The following ANKRD28 variants were observed in gnomAD, a reference collection of about 807,000 sequenced individuals.
The protein encoded by ANKRD28 is serine/threonine-protein phosphatase 6 regulatory ankyrin repeat subunit A.
In ANKRD28, 44 loss-of-function variants were observed where a neutral mutation model predicts 126.5. That is an observed-to-expected ratio of 0.35 (90% confidence interval 0.27 to 0.45). The LOEUF (loss-of-function observed/expected upper bound fraction) is 0.45, where lower values mean the gene tolerates loss of function less well. ANKRD28 is among the 20% of genes least tolerant of loss of function. The pLI is 1.00. For missense variants in ANKRD28, 1,110 were observed against 1,316.6 expected (o/e 0.84, Z 2.43); for synonymous variants, 442 against 468.5 (o/e 0.94, Z 0.73).
rs1172882269 is a variant in ANKRD28 at position 15,690,103 on chromosome 3, C to T, written c.1879G>A (p.Glu627Lys). The T allele has an allele frequency of 2.5e-6, 4 of 1,612,090 alleles. No individual in the cohort carries two copies. The highest frequency in any genetic ancestry group is 3.4e-6 in the Non-Finnish European group (4 of 1,179,024). Residue 627 changes from glutamate (E) to lysine (K), a missense_variant, in exon 18 of 28, where the codon GAA (glutamate) becomes AAA (lysine). Transcript: ENST00000683139. Reference sequence around the variant, plus strand: ...TGATTAATGAGTACATCCACACATTCAACATGGCCCTTAAAAGCTGCAAGA... The same window carrying T: ...TGATTAATGAGTACATCCACACATTTAACATGGCCCTTAAAAGCTGCAAGA... ...LDLAAFKGHVECVDVLINQGA... is the reference protein window; with the variant it reads ...LDLAAFKGHVKCVDVLINQGA...
chr3:15,747,953 T>C (rs1200846376), intron 4 of ANKRD28, among the ~76,000 whole-genome samples: 1 of 152,210 alleles, frequency 6.6e-6, no homozygotes, highest in African/African-American at 2.4e-5. Flanking sequence ...TGTCCCTCTT[T>C]GTTTTTTCCT....
intron 8 of ANKRD28, 96 bp from the exon 9 acceptor site, chr3:15,714,752 A>G (rs1348407871): frequency 3.7e-6 from 3 of 804,320 alleles, no homozygotes; most frequent in Non-Finnish European, 5.4e-6. Flanking sequence ...TTATTTTTAT[A>G]ACTATTTTAC....
chr3:15,714,537 A>AAG, intron 9 of ANKRD28, 41 bp downstream of exon 9: 3 of 1,451,912 alleles, frequency 2.1e-6, no homozygotes, highest in Non-Finnish European at 2.8e-6. Context: ...TTTAAGAAAA[A>AAG]AAAAAAAAAA....
intron 3 of ANKRD28, among the ~76,000 whole-genome samples, chr3:15,765,478 C>T (rs1277422165): frequency 6.6e-6 from 1 of 152,052 alleles, no homozygotes; most frequent in Non-Finnish European, 1.5e-5. Flanking sequence ...ACCGTTACCT[C>T]CACCTAGGAG....
chr3:15,696,581 T>C (rs1449214696), intron 14 of ANKRD28, among the ~76,000 whole-genome samples: 2 of 152,092 alleles, frequency 1.3e-5, no homozygotes, highest in Admixed American at 1.3e-4. Flanking sequence ...GATTAAACTT[T>C]TCGTGGTGGT....
chr3:15,855,485 C>A (rs1325094118), intron 1 of ANKRD28, among the ~76,000 whole-genome samples: 1 of 152,170 alleles, frequency 6.6e-6, no homozygotes, highest in African/African-American at 2.4e-5. Flanking sequence ...AAACAAAGTT[C>A]ATAAAACAAA....
At chr3:15,798,898 A>G (rs1254973803), upstream of ANKRD28, among the ~76,000 whole-genome samples, 1 of 152,144 alleles carries the variant, frequency 6.6e-6, no homozygotes, top group Non-Finnish European at 1.5e-5. Context: ...TTAATAAACA[A>G]TAATAAACAT....
chr3:15,762,214 C>CAAAAAA (rs778300634), intron 3 of ANKRD28, among the ~76,000 whole-genome samples: 4 of 52,556 alleles, frequency 7.6e-5, no homozygotes, highest in African/African-American at 1.9e-4. Context: ...AAAAAAAAAA[C>CAAAAAA]AAAACAAAAA....
chr3:15,767,169 T>C (rs568648444), intron 2 of ANKRD28, among the ~76,000 whole-genome samples: 12 of 152,298 alleles, frequency 7.9e-5, no homozygotes, highest in African/African-American at 2.9e-4. Flanking sequence ...TAATGCATGC[T>C]TCATGGACCT....
At chr3:15,757,095 AT>A (rs1214844747) in intron 3 of ANKRD28, among the ~76,000 whole-genome samples, 1 of 152,190 alleles carries the variant, frequency 6.6e-6, no homozygotes, top group Non-Finnish European at 1.5e-5. Flanking sequence ...ATCTGCGTCC[AT>A]TCAATACACA....
chr3:15,736,231 G>A (rs2125126613), intron 5 of ANKRD28, among the ~76,000 whole-genome samples: 1 of 152,190 alleles, frequency 6.6e-6, no homozygotes, highest in Admixed American at 6.5e-5. Flanking sequence ...TATTAAAATT[G>A]TTCCATATTA....
intron 2 of ANKRD28, among the ~76,000 whole-genome samples, chr3:15,772,448 TC>T (rs2059064155): frequency 6.6e-6 from 1 of 151,780 alleles, no homozygotes; most frequent in Non-Finnish European, 1.5e-5. Flanking sequence ...GAGATGAATA[TC>T]CCCCATCAAC....
At position 15,854,730 on chromosome 3, in the gene ANKRD28, T is replaced by C. The variant is rs965718932; in HGVS notation, c.27+4647A>G. 6.6e-6 allele frequency among the ~76,000 whole-genome samples: 1 copy of C among 152,138 alleles called. No individual in the cohort carries two copies. The highest frequency in any genetic ancestry group is 2.4e-5 in the African/African-American group (1 of 41,442). ...GGTAGAGATGGTAGCTACTTCACCC[T>C]TGTGTCCCCTGTCATCTCCAGCACA... On this transcript the variant is annotated intron_variant, in intron 1 of 27. Transcript: ENST00000399451. The surrounding 1 kb of genome is among the most constrained non-coding windows in gnomAD (Gnocchi z 4.1).
chr3:15,848,391 A>C (rs1368683797), intron 1 of ANKRD28, among the ~76,000 whole-genome samples: 1 of 152,212 alleles, frequency 6.6e-6, no homozygotes, highest in African/African-American at 2.4e-5. Flanking sequence ...GAAGCTAACA[A>C]TAGCTGAATG....
chr3:15,714,498 C>A, intron 9 of ANKRD28, 80 bp downstream of exon 9: 1 of 982,260 alleles, frequency 1.0e-6, no homozygotes, highest in Non-Finnish European at 1.5e-6. Context: ...TTCCTCAATA[C>A]CATTCATTTG....
intron 2 of ANKRD28, among the ~76,000 whole-genome samples, chr3:15,773,165 TA>T (rs1364937382): frequency 6.6e-6 from 1 of 151,628 alleles, no homozygotes; most frequent in East Asian, 1.9e-4. Context: ...AGACTAAGTT[TA>T]GAAAAGTTGT....
chr3:15,820,727 G>A (rs114405644), intron 1 of ANKRD28, among the ~76,000 whole-genome samples: 47 of 152,076 alleles, frequency 3.1e-4, no homozygotes, highest in South Asian at 1.0e-3. Context: ...TGTCTTTTCC[G>A]CATGACAAAG....
chr3:15,764,062 TA>T (rs1411042068), intron 3 of ANKRD28, among the ~76,000 whole-genome samples: 2 of 151,734 alleles, frequency 1.3e-5, no homozygotes, highest in African/African-American at 4.8e-5. Context: ...CATCTCTTAC[TA>T]AAAATACAAA....
chr3:15,795,157 A>G, intron 2 of ANKRD28, 66 bp downstream of exon 2: 1 of 1,144,352 alleles, frequency 8.7e-7, no homozygotes. Flanking sequence ...AACAAAAATC[A>G]CAATTCTAGG....
Sources: gnomAD v4.1 joint callset for allele counts (sites outside exome capture counted in the v4.1 genomes callset) on GRCh38, gnomAD v4.1.1 for gene constraint, Gnocchi (gnomAD v3.1) non-coding constraint, MANE v1.5 for transcripts, NCBI Gene and HGNC (gene_info 2026-07-23, HGNC 2026-07-21) for gene names.